The following KRT86 variants were observed in gnomAD, a reference collection of about 807,000 sequenced individuals.
KRT86 encodes the protein keratin 86.
In KRT86, 30 loss-of-function variants were observed where a neutral mutation model predicts 41.2. The observed-to-expected ratio is 0.73, with a 90% confidence interval of 0.54 to 0.99. The LOEUF (loss-of-function observed/expected upper bound fraction) is 0.99. KRT86 is among the 50% of genes least tolerant of loss of function. The pLI is 0.00. For missense variants in KRT86, 561 were observed against 571.4 expected, an observed-to-expected ratio of 0.98 and a Z score of 0.19; for synonymous variants, 238 against 238.1, an observed-to-expected ratio of 1.00 and a Z score of 0.00.
chr12:52,306,598 T>TAGCTGC (rs1271625630), intron 9 of KRT86: 3 of 487,040 alleles, frequency 6.2e-6, no homozygotes, highest in Non-Finnish European at 7.5e-6. Flanking sequence ...CTTCCAGCTG[T>TAGCTGC]AGCTGCATGT....
Position 52,302,025 on chromosome 12 carries a change from T to G in KRT86, c.109T>G (p.Cys37Gly). ...ITAAPYRGISCYRGLTGGFGS... is the reference protein window; with the variant it reads ...ITAAPYRGISGYRGLTGGFGS... ...CGCCGCCCCCTACCGTGGCATCTCCTGCTACCGCGGCCTCACCGGGGGCTT... is the reference window on the plus strand; with the variant it reads ...CGCCGCCCCCTACCGTGGCATCTCCGGCTACCGCGGCCTCACCGGGGGCTT... The change falls in exon 3 of 11, where the codon TGC (cysteine) becomes GGC (glycine). Residue 37 changes from cysteine (C) to glycine (G), a missense_variant. Physicochemically the swap from Cys to Gly is radical, Grantham distance 159. Coordinates refer to ENST00000423955, the MANE Select transcript of KRT86 (RefSeq NM_001320198.2). The G allele has an allele frequency of 1.2e-6, 2 of 1,611,180 alleles. No homozygotes were observed. Among genetic ancestry groups the G allele is most frequent in the South Asian group, 2.2e-5 (2 of 90,958 alleles).
Position 52,308,722 on chromosome 12 carries a change from G to A in KRT86, c.*137G>A. 1 of 792,104 alleles carries A rather than the reference G, an allele frequency of 1.3e-6. No individual in the cohort carries two copies. Among genetic ancestry groups the A allele is most frequent in the Non-Finnish European group, 2.0e-6 (1 of 501,086 alleles). 49.1% of individuals were successfully genotyped at this position (792,104 alleles called of 1,614,324 possible). A position where few individuals can be genotyped will look rare whatever the true frequency, so the allele number is the denominator to read the frequency against. The stretch of plus-strand genomic sequence containing the variant: ...CTGCACTCTAAGCGCCCTCCCCACC[G>A]CTCCGCTCCGGGAGCCATCCCCGGT... On this transcript the variant is annotated 3_prime_UTR_variant, in exon 11 of 11. Transcript: ENST00000423955.
chr12:52,299,037 C>T (rs900674846), intron 2 of KRT86, among the ~76,000 whole-genome samples: 3 of 152,150 alleles, frequency 2.0e-5, no homozygotes, highest in Non-Finnish European at 4.4e-5. Context: ...TGCTACTGAA[C>T]ACTAGATCTC....
At chr12:52,284,941 C>T (rs1012967178) in intron 2 of KRT86, among the ~76,000 whole-genome samples, 7 of 152,204 alleles carry the variant, frequency 4.6e-5, no homozygotes, top group African/African-American at 1.7e-4. Flanking sequence ...TACTTGCAAT[C>T]TCTGATCACA....
At chr12:52,280,925 C>T (rs10495312) in intron 2 of KRT86, among the ~76,000 whole-genome samples, 6,097 of 152,222 alleles carry the variant, frequency 0.04, 170 homozygotes, top group African/African-American at 0.075. Flanking sequence ...CTGCAACCTG[C>T]GTCACTCAGG....
rs998261626 is a variant in KRT86 at position 52,286,508 on chromosome 12, G to A, written c.-5+10562G>A. The A allele has an allele frequency of 8.4e-6, 13 of 1,551,108 alleles. No individual in the cohort carries two copies. In the African/African-American group the frequency reaches 1.4e-4, roughly 16 times the overall value. ...GCTGCTGACACCTGTGAACCCCGAAGGCTGAGTCAAAATTCTGAAGGGCAA... is the reference window on the plus strand; with the variant it reads ...GCTGCTGACACCTGTGAACCCCGAAAGCTGAGTCAAAATTCTGAAGGGCAA... On this transcript the variant is annotated intron_variant, in intron 2 of 10. Coordinates refer to ENST00000423955, the MANE Select transcript of KRT86 (RefSeq NM_001320198.2).
At chr12:52,292,681 A>C (rs1938158402) in intron 2 of KRT86, among the ~76,000 whole-genome samples, 1 of 149,394 alleles carries the variant, frequency 6.7e-6, no homozygotes, top group South Asian at 2.1e-4. Context: ...TTTTTATTTT[A>C]TTTATTGTTT....
chr12:52,301,762 G>A, intron 2 of KRT86, 151 bp from the exon 3 acceptor site: 4 of 1,498,126 alleles, frequency 2.7e-6, no homozygotes, highest in Non-Finnish European at 3.7e-6. Context: ...AGCCCATAAA[G>A]CCTTCTAATT....
At chr12:52,301,874 A>C (rs749346976) in intron 2 of KRT86, 39 bp from the exon 3 acceptor site, 1 of 1,613,500 alleles carries the variant, frequency 6.2e-7, no homozygotes, top group Non-Finnish European at 8.5e-7. Context: ...CTCCATTCGG[A>C]CGTCTCCATC....
chr12:52,296,758 C>G (rs930049245), intron 2 of KRT86, among the ~76,000 whole-genome samples: 1 of 152,226 alleles, frequency 6.6e-6, no homozygotes, highest in African/African-American at 2.4e-5. Flanking sequence ...TCCACTACCT[C>G]TCAACTTCCT....
intron 2 of KRT86, among the ~76,000 whole-genome samples, chr12:52,296,106 A>T (rs947575744): frequency 6.6e-6 from 1 of 152,320 alleles, no homozygotes; most frequent in East Asian, 1.9e-4. Context: ...GAAGCAAATC[A>T]GAGGAGATTT....
chr12:52,286,456 G>A (rs1937939103), intron 2 of KRT86: 2 of 1,552,644 alleles, frequency 1.3e-6, no homozygotes, highest in South Asian at 1.2e-5. Context: ...ACACGCAGAG[G>A]TCCCCGCACA....
At chr12:52,278,533 C>T (rs1937694262) in intron 2 of KRT86, among the ~76,000 whole-genome samples, 1 of 150,812 alleles carries the variant, frequency 6.6e-6, no homozygotes, top group African/African-American at 2.4e-5. Flanking sequence ...TCAGAGAGCG[C>T]CAGGGAGCTT....
chr12:52,308,466 G>C lies in KRT86; in HGVS notation c.1342G>C (p.Val448Leu), dbSNP rs200098470. The C allele has an allele frequency of 9.9e-5, 159 of 1,611,280 alleles. No individual in the cohort carries two copies. Among genetic ancestry groups the C allele is most frequent in the Non-Finnish European group, 1.2e-4 (145 of 1,179,898 alleles). Residue 448 changes from valine (V) to leucine (L), a missense_variant, in exon 11 of 11, where the codon GTT (valine) becomes CTT (leucine). Around this residue, in one of 3 missense-constraint regions of KRT86, gnomAD observed 397 missense variants for 375.9 expected, o/e 1.06. Coordinates refer to ENST00000423955, the MANE Select transcript of KRT86 (RefSeq NM_001320198.2). ...TCTCTGCGCCTCCACTACTGCCCCTGTTGTCTCCACCAGAGTCAGTAGCGT... is the reference window on the plus strand; with the variant it reads ...TCTCTGCGCCTCCACTACTGCCCCTCTTGTCTCCACCAGAGTCAGTAGCGT... ...GDLCASTTAP[V>L]VSTRVSSVPS...
intron 5 of KRT86, among the ~76,000 whole-genome samples, chr12:52,304,557 A>AG (rs1235026286): frequency 6.6e-6 from 1 of 151,796 alleles, no homozygotes; most frequent in East Asian, 1.9e-4. Context: ...CCAGGTTCTA[A>AG]GGGGGGATGG....
intron 2 of KRT86, among the ~76,000 whole-genome samples, chr12:52,284,224 C>A (rs1463506094): frequency 6.6e-6 from 1 of 152,148 alleles, no homozygotes; most frequent in East Asian, 1.9e-4. Context: ...CAGGGTCTTG[C>A]TGTGTCGCCC....
intron 6 of KRT86, 63 bp downstream of exon 6, chr12:52,305,090 G>A (rs949056226): frequency 1.2e-6 from 2 of 1,609,534 alleles, no homozygotes; most frequent in East Asian, 2.2e-5. Context: ...GGGGGTGGGA[G>A]TGTTGGACAG....
At position 52,288,536 on chromosome 12, in the gene KRT86, T is replaced by A. The variant is rs985238618; in HGVS notation, c.-5+12590T>A. Reference sequence around the variant, plus strand: ...CTCCTCTCTCTGCCCATCCATTCCATGTAGCCAGGGGAAAGCAGTCCCTGG... The same window carrying A: ...CTCCTCTCTCTGCCCATCCATTCCAAGTAGCCAGGGGAAAGCAGTCCCTGG... On this transcript the variant is annotated intron_variant, in intron 2 of 10. Transcript: ENST00000423955. 5.2e-6 allele frequency: 8 copies of A among 1,544,320 alleles called. No homozygotes were observed. The African/African-American group carries it at 1.1e-4, about 21-fold the overall frequency.
Position 52,304,994 on chromosome 12 carries a change from G to C in KRT86, c.702G>C (p.Gln234His). 1.2e-6 allele frequency: 2 copies of C among 1,614,172 alleles called. No individual in the cohort carries two copies. Among genetic ancestry groups the C allele is most frequent in the Non-Finnish European group, 8.5e-7 (1 of 1,180,022 alleles). ...AGGCCAATGTGGAGGCCCTGATCCA[G>C]GAGATCGACTTCCTGAGGCGGCTGT... The part of the protein sequence containing the change: ...DLEANVEALI[Q>H]EIDFLRRLYE... Residue 234 changes from glutamine to histidine, a missense_variant, in exon 6 of 11, where the codon CAG (glutamine) becomes CAC (histidine). Physicochemically the swap from Gln to His is conservative, Grantham distance 24. Coordinates refer to ENST00000423955, the MANE Select transcript of KRT86 (RefSeq NM_001320198.2).
Sources: gnomAD v4.1 joint callset for allele counts (sites outside exome capture counted in the v4.1 genomes callset) on GRCh38, gnomAD v4.1.1 for gene constraint, gnomAD v4.1.1 regional missense constraint, MANE v1.5 for transcripts, NCBI Gene and HGNC (gene_info 2026-07-23, HGNC 2026-07-21) for gene names.